GREM2: variants seen among roughly 807,000 people sequenced by gnomAD.
GREM2 encodes gremlin 2, DAN family BMP antagonist, also known as gremlin-2.
Under a neutral mutation model 14.2 loss-of-function variants are expected in GREM2, and 11 were observed. The ratio of observed to expected loss-of-function variants is 0.78; its 90% CI spans 0.49 to 1.28. The LOEUF is 1.28. Among genes scored for constraint, GREM2 ranks in the 50% most tolerant of loss-of-function variants. The pLI, the probability that GREM2 is intolerant of heterozygous loss-of-function variation, is 0.00. For missense variants in GREM2, 210 were observed against 218.5 expected, an observed-to-expected ratio of 0.96 and a Z score of 0.24; for synonymous variants, 98 against 97.6, an observed-to-expected ratio of 1.00 and a Z score of -0.02.
rs1279218251 is a variant in GREM2, at chr1:240,492,680, G to A, written c.*289C>T. 2 of 252,364 alleles carry A rather than the reference G, an allele frequency of 7.9e-6. No individual in the cohort carries two copies. The highest frequency in any genetic ancestry group is 1.5e-5 in the Non-Finnish European group (2 of 133,308). The allele number at this position is 252,364 out of a possible 1,614,324, so 15.6% of individuals were successfully genotyped here. A position where few individuals can be genotyped will look rare whatever the true frequency, so the allele number is the denominator to read the frequency against. On this transcript the variant is annotated 3_prime_UTR_variant, in exon 2 of 2. Transcript: ENST00000318160. ...TGCATCACCTCGAAAGGTCCTCTCT[G>A]ACTGCTGGGTGGCGGTGGTGGTTTT...
In GREM2 at chr1:240,501,976, AT is replaced by A. The variant is rs546087900; in HGVS notation, c.-1-8501del. Among the ~76,000 whole-genome samples the A allele has an allele frequency of 1.2e-3, 174 of 150,688 alleles. 3 individuals are homozygous for A. The Middle Eastern group carries it at 0.041, about 36-fold the overall frequency. ...TGCAGCCATTAGGCAGTACCTAAAT[AT>A]TTTTTTTTTCAGATAAAGATTTTAG... On this transcript the variant is annotated intron_variant, in intron 1 of 1. Coordinates refer to ENST00000318160, the MANE Select transcript of GREM2 (RefSeq NM_022469.4).
rs1168434070 is a variant in GREM2, at chr1:240,571,245, A to G, written c.-2+40639T>C. On this transcript the variant is annotated intron_variant, in intron 1 of 1. Coordinates refer to ENST00000318160, the MANE Select transcript of GREM2 (RefSeq NM_022469.4). ...CTGGTAGAAATAACACCAGTCACTA[A>G]TAGGAAGTCTATACATCTAGGTTTA... 2.0e-5 allele frequency among the ~76,000 whole-genome samples: 3 copies of G among 152,242 alleles called. No individual in the cohort carries two copies. In the East Asian group the frequency reaches 5.8e-4, roughly 29 times the overall value.
rs550782577 is a variant in GREM2, at chr1:240,592,576, C to T, written c.-2+19308G>A. ...TTTAACACAGAGTCTACAATCCTGA[C>T]ATGTGATAGAAACCACTTCCTAGGG... On this transcript the variant is annotated intron_variant, in intron 1 of 1. Transcript: ENST00000318160. 2.6e-5 allele frequency among the ~76,000 whole-genome samples: 4 copies of T among 152,256 alleles called. No homozygotes were observed. The East Asian group carries it at 5.8e-4, about 22-fold the overall frequency.
intron 1 of GREM2, among the ~76,000 whole-genome samples, chr1:240,568,729 G>T (rs1454009428): frequency 6.6e-6 from 1 of 152,114 alleles, no homozygotes; most frequent in East Asian, 1.9e-4. Flanking sequence ...CACATTGTCT[G>T]TATTCTCAAA....
At chr1:240,553,335 T>A (rs1218090693) in intron 1 of GREM2, among the ~76,000 whole-genome samples, 1 of 152,146 alleles carries the variant, frequency 6.6e-6, no homozygotes, top group African/African-American at 2.4e-5. Context: ...CTATGTTCAG[T>A]TTTCAAGATC....
At chr1:240,601,445 T>C (rs746020434) in intron 1 of GREM2, among the ~76,000 whole-genome samples, 2 of 152,126 alleles carry the variant, frequency 1.3e-5, no homozygotes, top group Non-Finnish European at 2.9e-5. Flanking sequence ...CCAAAGTTAT[T>C]AAGGGAAAAA....
intron 1 of GREM2, among the ~76,000 whole-genome samples, chr1:240,547,265 C>G (rs1408361016): frequency 6.6e-6 from 1 of 151,814 alleles, no homozygotes; most frequent in Non-Finnish European, 1.5e-5. Flanking sequence ...CTTTGGGAGG[C>G]CGAGGTGGGC....
chr1:240,542,268 T>C lies in GREM2; in HGVS notation c.-1-48792A>G, dbSNP rs1408357547. Among the ~76,000 whole-genome samples, 1 of 151,978 alleles carries C rather than the reference T, an allele frequency of 6.6e-6. No homozygotes were observed. The highest frequency in any genetic ancestry group is 1.5e-5 in the Non-Finnish European group (1 of 68,004). ...CAGACCTGTGGAATTCAGAGGTATC[T>C]CTAACAAATCCACAGTAATTGATTC... On this transcript the variant is annotated intron_variant, in intron 1 of 1. Transcript: ENST00000318160. This position sits in a 1 kb window ranked among gnomAD's most constrained non-coding sequence, Gnocchi z 4.1.
intron 1 of GREM2, among the ~76,000 whole-genome samples, chr1:240,591,607 T>C (rs191575764): frequency 1.3e-5 from 2 of 152,314 alleles, no homozygotes; most frequent in East Asian, 3.9e-4. Context: ...TTCTGGCCTT[T>C]ATTTCAACTA....
intron 1 of GREM2, among the ~76,000 whole-genome samples, chr1:240,580,762 G>A (rs1219713673): frequency 2.0e-5 from 3 of 152,014 alleles, no homozygotes; most frequent in African/African-American, 4.8e-5. Context: ...TTGAAGAGAT[G>A]GTGTCTCACT....
intron 1 of GREM2, among the ~76,000 whole-genome samples, chr1:240,596,894 G>A (rs2102867978): frequency 6.6e-6 from 1 of 152,236 alleles, no homozygotes; most frequent in Non-Finnish European, 1.5e-5. Flanking sequence ...TTCGGGCAGA[G>A]AGAAAAAAAG....
rs188378440 is a variant in GREM2, at chr1:240,600,644, C to T, written c.-2+11240G>A. On this transcript the variant is annotated intron_variant, in intron 1 of 1. Transcript: ENST00000318160. ...GATTACAGGCGCCCACCACCGCACA[C>T]GGCTAAGATTTGTATTTTTAATAGA... Among the ~76,000 whole-genome samples, 258 of 152,114 alleles carry T rather than the reference C, an allele frequency of 1.7e-3. 1 individual carries two copies. The highest frequency in any genetic ancestry group is 5.6e-3 in the African/African-American group (233 of 41,494).
intron 1 of GREM2, among the ~76,000 whole-genome samples, chr1:240,562,721 G>GTGTGTA (rs1553276884): frequency 1.3e-5 from 2 of 151,754 alleles, no homozygotes; most frequent in East Asian, 3.9e-4. Flanking sequence ...GTGTGTGTGT[G>GTGTGTA]TGTGTATGTG....
chr1:240,514,200 T>C (rs541169117), intron 1 of GREM2, among the ~76,000 whole-genome samples: 1 of 143,386 alleles, frequency 7.0e-6, no homozygotes, highest in Non-Finnish European at 1.5e-5. Context: ...TGAGCTGAGA[T>C]TGCGTCATTA....
At chr1:240,551,140 C>T (rs1678841368) in intron 1 of GREM2, among the ~76,000 whole-genome samples, 1 of 152,268 alleles carries the variant, frequency 6.6e-6, no homozygotes, top group Non-Finnish European at 1.5e-5. Context: ...GATCCAAGCA[C>T]AGAGTCTACT....
intron 1 of GREM2, among the ~76,000 whole-genome samples, chr1:240,547,985 G>A (rs902404951): frequency 1.3e-5 from 2 of 152,050 alleles, no homozygotes; most frequent in Non-Finnish European, 2.9e-5. Flanking sequence ...GACGCGGCTG[G>A]GCATGGTGGC....
chr1:240,579,382 G>T (rs1679436449), intron 1 of GREM2, among the ~76,000 whole-genome samples: 1 of 152,138 alleles, frequency 6.6e-6, no homozygotes, highest in African/African-American at 2.4e-5. Context: ...GACCCACAGT[G>T]GCATTACGCA....
intron 1 of GREM2, among the ~76,000 whole-genome samples, chr1:240,523,707 T>C (rs1678157178): frequency 6.6e-6 from 1 of 152,180 alleles, no homozygotes; most frequent in Admixed American, 6.5e-5. Flanking sequence ...ACGTGCAGGA[T>C]TGCAATGAAA....
chr1:240,495,698 C>T (rs1313380466), intron 1 of GREM2, among the ~76,000 whole-genome samples: 1 of 152,196 alleles, frequency 6.6e-6, no homozygotes, highest in African/African-American at 2.4e-5. Context: ...GCTCCAGAAT[C>T]TGAGCTCTGG....
Sources: gnomAD v4.1 joint callset for allele counts (sites outside exome capture counted in the v4.1 genomes callset) on GRCh38, gnomAD v4.1.1 for gene constraint, Gnocchi (gnomAD v3.1) non-coding constraint, MANE v1.5 for transcripts, NCBI Gene and HGNC (gene_info 2026-07-23, HGNC 2026-07-21) for gene names.